AP4E1: variants seen among roughly 807,000 people sequenced by gnomAD.
The protein encoded by AP4E1 is adaptor related protein complex 4 subunit epsilon 1.
In AP4E1, 56 loss-of-function variants were observed where a neutral mutation model predicts 128.2. The observed-to-expected ratio is 0.44, with a 90% CI of 0.35 to 0.55. The LOEUF (loss-of-function observed/expected upper bound fraction) is 0.55. AP4E1 is among the 20% of genes least tolerant of loss of function. The probability of loss-of-function intolerance (pLI) is 0.00; values close to 1 mark genes in which losing one functional copy is unlikely to be tolerated. For missense variants in AP4E1, 1,324 were observed against 1,307.7 expected (o/e 1.01, Z -0.19); for synonymous variants, 484 against 473.1 (o/e 1.02, Z -0.30).
At chr15:50,935,565 G>T (rs761809432) in intron 8 of AP4E1, among the ~76,000 whole-genome samples, 5 of 152,180 alleles carry the variant, frequency 3.3e-5, no homozygotes, top group Non-Finnish European at 5.9e-5. Flanking sequence ...AGGTAGAACA[G>T]TTTGAATTTT....
At chr15:50,922,958 T>C (rs1014533790) in intron 3 of AP4E1, among the ~76,000 whole-genome samples, 2 of 152,082 alleles carry the variant, frequency 1.3e-5, no homozygotes, top group Non-Finnish European at 2.9e-5. Context: ...TTTGTATTTT[T>C]AGTAGAGACG....
Position 51,001,182 on chromosome 15 carries a change from A to G in AP4E1, c.3252A>G (p.Ile1084Met). Residue 1084 changes from isoleucine (I) to methionine (M), a missense_variant and splice_region_variant, in exon 20 of 21, where the codon ATA becomes ATG. Coordinates refer to ENST00000261842, the MANE Select transcript of AP4E1 (RefSeq NM_007347.5). ...QKLRLHIIEI[I>M]GNEGLLACQL... ...TAAGACTCCATATTATTGAGATTAT[A>G]GGTTTGTAGAGTTATAAAAAGGCTA... 6.2e-7 allele frequency: 1 copy of G among 1,612,796 alleles called. No individual in the cohort carries two copies.
chr15:50,910,941 C>G (rs936497458), intron 1 of AP4E1, among the ~76,000 whole-genome samples: 1 of 152,248 alleles, frequency 6.6e-6, no homozygotes, highest in Admixed American at 6.5e-5. Context: ...GGATTACAGG[C>G]GTGAGCCACC....
intron 5 of AP4E1, 130 bp downstream of exon 5, chr15:50,925,349 T>A: frequency 1.0e-6 from 1 of 968,398 alleles, no homozygotes; most frequent in Admixed American, 2.3e-5. Flanking sequence ...AATACAAAAA[T>A]CTTCAATAGG....
At chr15:50,979,830 A>G (rs751887947) in intron 15 of AP4E1, among the ~76,000 whole-genome samples, 1 of 152,142 alleles carries the variant, frequency 6.6e-6, no homozygotes, top group Non-Finnish European at 1.5e-5. Flanking sequence ...GTTCATTATA[A>G]ATTACCTGTT....
At chr15:50,941,842 T>A in intron 10 of AP4E1, 67 bp downstream of exon 10, 1 of 1,204,174 alleles carries the variant, frequency 8.3e-7, no homozygotes, top group Non-Finnish European at 1.2e-6. Flanking sequence ...TGGCATTGTG[T>A]AGAGAGATTA....
At chr15:50,976,906 A>G (rs1423433819) in intron 15 of AP4E1, among the ~76,000 whole-genome samples, 1 of 152,214 alleles carries the variant, frequency 6.6e-6, no homozygotes, top group Non-Finnish European at 1.5e-5. Context: ...TCCTGTGTTC[A>G]TGGATTGGAA....
chr15:50,970,578 T>C (rs1306363360), intron 15 of AP4E1, among the ~76,000 whole-genome samples: 1 of 152,228 alleles, frequency 6.6e-6, no homozygotes, highest in Non-Finnish European at 1.5e-5. Flanking sequence ...AATTGTTATA[T>C]TCTTTTTATG....
At chr15:50,965,655 A>G (rs2064382061) in intron 14 of AP4E1, among the ~76,000 whole-genome samples, 1 of 152,186 alleles carries the variant, frequency 6.6e-6, no homozygotes, top group African/African-American at 2.4e-5. Context: ...ACTTTTCAGG[A>G]ACCTCCACGT....
chr15:50,928,973 A>T (rs1313093934), intron 5 of AP4E1, 36 bp from the exon 6 acceptor site: 5 of 1,606,532 alleles, frequency 3.1e-6, no homozygotes, highest in Non-Finnish European at 4.3e-6. Context: ...TTGAGAATTC[A>T]GATTGTCTTG....
intron 1 of AP4E1, among the ~76,000 whole-genome samples, chr15:50,909,923 G>C (rs1168690339): frequency 6.6e-6 from 1 of 152,054 alleles, no homozygotes; most frequent in Non-Finnish European, 1.5e-5. Context: ...CTGACCTCGC[G>C]ATCCGCCCGC....
chr15:50,913,437 G>A (rs2060088401), intron 2 of AP4E1, among the ~76,000 whole-genome samples: 1 of 152,204 alleles, frequency 6.6e-6, no homozygotes, highest in Non-Finnish European at 1.5e-5. Context: ...AAGATAAATA[G>A]GTAGAAATTA....
In AP4E1 at chr15:50,941,739, A is replaced by G. The variant is rs1244659901; in HGVS notation, c.1140A>G (p.Glu380=). 6.2e-7 allele frequency: 1 copy of G among 1,612,452 alleles called. No individual in the cohort carries two copies. Among genetic ancestry groups the G allele is most frequent in the Non-Finnish European group, 8.5e-7 (1 of 1,178,732 alleles). The part of the protein sequence containing the change: ...LALQHQMTII[E]CLDHPDPIIK... ...TTCAACACCAGATGACAATAATTGA[A>G]TGTTTAGATCATCCTGATCCCATTA... is the stretch of plus-strand genomic sequence containing the variant. The change falls in exon 10 of 21, where the codon GAA becomes GAG. Residue 380 remains glutamate, a synonymous_variant. Transcript: ENST00000261842.
At chr15:50,995,663 G>A (rs1360374998) in intron 17 of AP4E1, among the ~76,000 whole-genome samples, 1 of 151,990 alleles carries the variant, frequency 6.6e-6, no homozygotes, top group Non-Finnish European at 1.5e-5. Flanking sequence ...TGGGATTGCA[G>A]GTGTGAGCCG....
At chr15:50,980,602 T>A (rs2064630511) in intron 15 of AP4E1, among the ~76,000 whole-genome samples, 1 of 152,112 alleles carries the variant, frequency 6.6e-6, no homozygotes, top group Non-Finnish European at 1.5e-5. Flanking sequence ...ATCAAGACAT[T>A]GGGAGAGTGA....
At chr15:50,908,586 C>A, upstream of AP4E1, 1 of 657,146 alleles carries the variant, frequency 1.5e-6, no homozygotes, top group Non-Finnish European at 2.3e-6. Flanking sequence ...TTTTCCACCC[C>A]CGCGGTCTCT....
intron 13 of AP4E1, among the ~76,000 whole-genome samples, chr15:50,954,417 TAAAG>T (rs1158934546): frequency 3.3e-5 from 5 of 152,220 alleles, no homozygotes; most frequent in South Asian, 2.1e-4. Flanking sequence ...TCAATTTTCT[TAAAG>T]AAAAATCTCA....
intron 2 of AP4E1, among the ~76,000 whole-genome samples, chr15:50,912,872 C>A (rs765241336): frequency 6.6e-6 from 1 of 152,114 alleles, no homozygotes; most frequent in Non-Finnish European, 1.5e-5. Context: ...TCATGTTGAC[C>A]AGGCTAGTAT....
intron 1 of AP4E1, among the ~76,000 whole-genome samples, 153 bp downstream of exon 1, chr15:50,909,081 G>A (rs988969053): frequency 6.6e-6 from 1 of 152,230 alleles, no homozygotes; most frequent in African/African-American, 2.4e-5. Flanking sequence ...TCGTCTGCCT[G>A]GAAGCTTCAC....
Sources: allele counts gnomAD v4.1 joint callset (sites outside exome capture counted in the v4.1 genomes callset), GRCh38; gene constraint gnomAD v4.1.1; transcripts MANE v1.5; gene names NCBI Gene and HGNC (gene_info 2026-07-23, HGNC 2026-07-21).